The following SMAD6 variants were observed in gnomAD, a reference collection of about 807,000 sequenced individuals.
SMAD6 encodes MAD homolog 6.
SMAD6 carries 103 observed loss-of-function variants against 39.4 expected under a neutral mutation model. The ratio of observed to expected loss-of-function variants is 2.62; its 90% CI spans 2.23 to 3.08. The LOEUF (loss-of-function observed/expected upper bound fraction) is 3.08. Among genes scored for constraint, SMAD6 ranks in the 30% most tolerant of loss-of-function variants. The pLI is 0.00. For synonymous variants in SMAD6, 445 were observed against 353.3 expected (o/e 1.26, Z -2.91); for missense variants, 1,104 against 742.9 (o/e 1.49, Z -5.65).
intron 3 of SMAD6, among the ~76,000 whole-genome samples, chr15:66,718,616 A>G (rs1893376413): frequency 6.6e-6 from 1 of 152,182 alleles, no homozygotes; most frequent in African/African-American, 2.4e-5. Context: ...CCTTTGTGTC[A>G]TCCTGGTCCC....
At chr15:66,768,411 C>T (rs1269486897) in intron 3 of SMAD6, among the ~76,000 whole-genome samples, 2 of 152,200 alleles carry the variant, frequency 1.3e-5, no homozygotes, top group African/African-American at 2.4e-5. Context: ...AAACCAGCTT[C>T]TCCACCCATT....
At chr15:66,780,241 A>G (rs967258238) in intron 3 of SMAD6, among the ~76,000 whole-genome samples, 3 of 152,132 alleles carry the variant, frequency 2.0e-5, no homozygotes, top group African/African-American at 7.2e-5. Flanking sequence ...AAGAAAGCCA[A>G]CTCAGGTGGG....
rs928218389 is a variant in SMAD6, at chr15:66,720,460, C to T, written c.952+3962C>T. Reference sequence around the variant, plus strand: ...GCTGGGTGAGCTCTGAGTCACTTAGCGGGAGCCTGAAGTGGCAGGGCTGCT... The same window carrying T: ...GCTGGGTGAGCTCTGAGTCACTTAGTGGGAGCCTGAAGTGGCAGGGCTGCT... On this transcript the variant is annotated intron_variant, in intron 3 of 3. Coordinates refer to ENST00000288840, the MANE Select transcript of SMAD6 (RefSeq NM_005585.5). Among the ~76,000 whole-genome samples, 6 of 151,996 alleles carry T rather than the reference C, an allele frequency of 3.9e-5. No homozygotes were observed. In the South Asian group the frequency reaches 8.3e-4, roughly 21 times the overall value.
rs1012955496 is a variant in SMAD6, at chr15:66,753,927, G to A, written c.953-27070G>A. 2.6e-5 allele frequency among the ~76,000 whole-genome samples: 4 copies of A among 152,336 alleles called. No individual in the cohort carries two copies. In the South Asian group the frequency reaches 8.3e-4, roughly 32 times the overall value. On this transcript the variant is annotated intron_variant, in intron 3 of 3. Transcript: ENST00000288840. ...CTGCCCTCGGAGGCCCCAAGGGGCA[G>A]TGTGCAGGGTGCCTGGGAGCTCAAG...
chr15:66,757,035 G>C (rs1416838349), intron 3 of SMAD6, among the ~76,000 whole-genome samples: 1 of 152,186 alleles, frequency 6.6e-6, no homozygotes, highest in Non-Finnish European at 1.5e-5. Flanking sequence ...TTAGCGATGG[G>C]GGGCTTCTGC....
chr15:66,709,052 T>C (rs1173240738), intron 1 of SMAD6, among the ~76,000 whole-genome samples: 1 of 152,204 alleles, frequency 6.6e-6, no homozygotes, highest in East Asian at 1.9e-4. Flanking sequence ...GGGACCTTAG[T>C]TTCATATCAG....
rs1055327316 is a variant in SMAD6 at position 66,714,307 on chromosome 15, C to G, written c.875-2114C>G. Among the ~76,000 whole-genome samples, 6 of 152,106 alleles carry G rather than the reference C, an allele frequency of 3.9e-5. No individual in the cohort carries two copies. In the South Asian group the frequency reaches 8.3e-4, roughly 21 times the overall value. The stretch of plus-strand genomic sequence containing the variant: ...GCCCAGAAAGAGGAAGTGACACTTG[C>G]CGGTGGTCAAATAGCTCAGCCCACC... On this transcript the variant is annotated intron_variant, in intron 2 of 3. Coordinates refer to ENST00000288840, the MANE Select transcript of SMAD6 (RefSeq NM_005585.5).
chr15:66,722,168 G>A (rs1295619209), intron 3 of SMAD6, among the ~76,000 whole-genome samples: 2 of 152,130 alleles, frequency 1.3e-5, no homozygotes, highest in South Asian at 2.1e-4. Context: ...TGCCAGCTCC[G>A]TGAATTTTCA....
chr15:66,772,656 C>T (rs1369089939), intron 3 of SMAD6, among the ~76,000 whole-genome samples: 1 of 152,172 alleles, frequency 6.6e-6, no homozygotes, highest in East Asian at 1.9e-4. Flanking sequence ...TGAAATTAAT[C>T]CCAGCACTCT....
intron 3 of SMAD6, among the ~76,000 whole-genome samples, chr15:66,727,345 C>T (rs1330036254): frequency 4.6e-5 from 7 of 152,110 alleles, no homozygotes; most frequent in Admixed American, 1.3e-4. Flanking sequence ...TCAAGTGATC[C>T]GCCTGGCTTG....
chr15:66,749,689 A>G (rs1893967133), intron 3 of SMAD6, among the ~76,000 whole-genome samples: 1 of 152,198 alleles, frequency 6.6e-6, no homozygotes, highest in South Asian at 2.1e-4. Flanking sequence ...GGGCAGAGAC[A>G]CAGCGATCAT....
Position 66,781,365 on chromosome 15 carries a change from T to C in SMAD6, c.1321T>C (p.Phe441Leu), listed in dbSNP as rs993487814. Reference sequence around the variant, plus strand: ...CGGCTACTCCATCAAGGTGTTCGACTTCGAGCGCTCGGGCCTGCAGCACGC... The same window carrying C: ...CGGCTACTCCATCAAGGTGTTCGACCTCGAGCGCTCGGGCCTGCAGCACGC... Reference protein sequence around the residue: ...PPGYSIKVFDFERSGLQHAPE... With the variant: ...PPGYSIKVFDLERSGLQHAPE... The change falls in exon 4 of 4, where the codon TTC becomes CTC. Residue 441 changes from phenylalanine to leucine, a missense_variant. Transcript: ENST00000288840. 1.2e-6 allele frequency: 2 copies of C among 1,600,278 alleles called. No homozygotes were observed. Among genetic ancestry groups the C allele is most frequent in the Non-Finnish European group, 1.7e-6 (2 of 1,176,050 alleles).
rs1180246858 is a variant in SMAD6, at chr15:66,703,799, A to AATTC, written c.542_543insTTCA (p.Lys181AsnfsTer123). On this transcript the variant is annotated frameshift_variant, in exon 1 of 4. Coordinates refer to ENST00000288840, the MANE Select transcript of SMAD6 (RefSeq NM_005585.5). LOFTEE classifies it high-confidence loss of function. ...CAAAACCGTCACGTACTCGCTGCTG[A>AATTC]AGCGGCTCAAGGAGCGCTCGCTGGA... The AATTC allele has an allele frequency of 6.9e-7, 1 of 1,440,270 alleles. No homozygotes were observed. Among genetic ancestry groups the AATTC allele is most frequent in the Non-Finnish European group, 9.2e-7 (1 of 1,086,300 alleles). The allele number at this position is 1,440,270 out of a possible 1,614,324, so 89.2% of individuals were successfully genotyped here.
chr15:66,771,028 G>A (rs1246948191), intron 3 of SMAD6, among the ~76,000 whole-genome samples: 2 of 152,182 alleles, frequency 1.3e-5, no homozygotes, highest in South Asian at 2.1e-4. Flanking sequence ...ACAGAGCCCC[G>A]GGACCTGGAG....
In SMAD6 at chr15:66,703,464, G is replaced by C. The variant is rs946158062; in HGVS notation, c.206G>C (p.Arg69Pro). 2.4e-6 allele frequency: 3 copies of C among 1,248,606 alleles called. No individual in the cohort carries two copies. In the African/African-American group the frequency reaches 4.7e-5, roughly 19 times the overall value. 77.3% of individuals were successfully genotyped at this position (1,248,606 alleles called of 1,614,324 possible). A position where few individuals can be genotyped will look rare whatever the true frequency, so the allele number is the denominator to read the frequency against. Residue 69 changes from arginine (R) to proline (P), a missense_variant, in exon 1 of 4, where the codon CGG becomes CCG. Arg to Pro is a moderately radical substitution (Grantham distance 103, BLOSUM62 -2). Coordinates refer to ENST00000288840, the MANE Select transcript of SMAD6 (RefSeq NM_005585.5). ...EVRPVAPRRP[R>P]DAVGQRGAQG... ...CGCCCGGTAGCCCCGCGGCGGCCCC[G>C]GGACGCAGTGGGACAGCGAGGCGCC...
chr15:66,720,778 C>T (rs1419896222), intron 3 of SMAD6, among the ~76,000 whole-genome samples: 3 of 152,172 alleles, frequency 2.0e-5, no homozygotes, highest in African/African-American at 7.2e-5. Flanking sequence ...GGGCAGGGCC[C>T]TCAGGGTGGG....
chr15:66,703,932 T>TGCTCGGCCGCCTCTTTCGCTG lies in SMAD6; in HGVS notation c.677_697dup (p.Leu226_Trp232dup). Reference sequence around the variant, plus strand: ...GGCCAGCCCGCGCCGCCGCAGCTGCTGCTCGGCCGCCTCTTTCGCTGGCCC... The same window carrying TGCTCGGCCGCCTCTTTCGCTG: ...GGCCAGCCCGCGCCGCCGCAGCTGCTGCTCGGCCGCCTCTTTCGCTGGCTCGGCCGCCTCTTTCGCTGGCCC... On this transcript the variant is annotated inframe_insertion, in exon 1 of 4. Transcript: ENST00000288840. The TGCTCGGCCGCCTCTTTCGCTG allele has an allele frequency of 7.4e-7, 1 of 1,356,936 alleles. No homozygotes were observed. Among genetic ancestry groups the TGCTCGGCCGCCTCTTTCGCTG allele is most frequent in the Non-Finnish European group, 9.5e-7 (1 of 1,054,532 alleles). The allele number at this position is 1,356,936 out of a possible 1,614,324, so 84.1% of individuals were successfully genotyped here.
At chr15:66,704,564 A>G (rs1315245386) in intron 1 of SMAD6, 1 of 153,276 alleles carries the variant, frequency 6.5e-6, no homozygotes, top group Non-Finnish European at 1.5e-5. Context: ...AGCTAGAATC[A>G]AAAGTGTTCG....
At chr15:66,762,354 C>G (rs1479611386) in intron 3 of SMAD6, among the ~76,000 whole-genome samples, 2 of 152,212 alleles carry the variant, frequency 1.3e-5, no homozygotes, top group East Asian at 1.9e-4. Flanking sequence ...GGCCCTGTCT[C>G]AAGGAAACGC....
Sources: gnomAD v4.1 joint callset for allele counts (sites outside exome capture counted in the v4.1 genomes callset) on GRCh38, gnomAD v4.1.1 for gene constraint, MANE v1.5 for transcripts, NCBI Gene and HGNC (gene_info 2026-07-23, HGNC 2026-07-21) for gene names.